The following ENOX1 variants were observed in gnomAD, a reference collection of about 807,000 sequenced individuals.
ENOX1 encodes the protein ecto-NOX disulfide-thiol exchanger 1.
A neutral mutation model predicts 82.5 loss-of-function variants in ENOX1; 42 were observed. That is an observed-to-expected ratio of 0.51 (90% CI 0.40 to 0.66). The LOEUF (loss-of-function observed/expected upper bound fraction) is 0.66, where lower values mean the gene tolerates loss of function less well. Ranked by LOEUF, ENOX1 falls within the 30% of genes least tolerant of loss-of-function variation. The pLI, the probability that ENOX1 is intolerant of heterozygous loss-of-function variation, is 0.00. For synonymous variants in ENOX1, 271 were observed against 282.2 expected (o/e 0.96, Z 0.40); for missense variants, 608 against 811.6 (o/e 0.75, Z 3.05).
intron 8 of ENOX1, among the ~76,000 whole-genome samples, chr13:43,353,481 C>A (rs1326178909): frequency 1.3e-5 from 2 of 152,180 alleles, no homozygotes; most frequent in Non-Finnish European, 2.9e-5. Context: ...TCCTTTCTGA[C>A]ACAGATTTCT....
intron 13 of ENOX1, among the ~76,000 whole-genome samples, chr13:43,267,589 G>A (rs965980567): frequency 6.6e-6 from 1 of 152,196 alleles, no homozygotes; most frequent in Non-Finnish European, 1.5e-5. Flanking sequence ...AACTGTTTAC[G>A]CATAGAGTTA....
At chr13:43,716,162 GCT>G (rs2088114326) in intron 1 of ENOX1, among the ~76,000 whole-genome samples, 1 of 152,152 alleles carries the variant, frequency 6.6e-6, no homozygotes, top group African/African-American at 2.4e-5. Context: ...CAGTTTTTCT[GCT>G]CTGTTTTTTC....
At chr13:43,725,048 G>A (rs1486694188) in intron 1 of ENOX1, among the ~76,000 whole-genome samples, 1 of 152,080 alleles carries the variant, frequency 6.6e-6, no homozygotes, top group Non-Finnish European at 1.5e-5. Context: ...ACAAAGCCAA[G>A]GTAAAGTTCT....
At chr13:43,649,641 G>C (rs2084061680) in intron 2 of ENOX1, among the ~76,000 whole-genome samples, 1 of 152,106 alleles carries the variant, frequency 6.6e-6, no homozygotes, top group Non-Finnish European at 1.5e-5. Flanking sequence ...CTATGACCTT[G>C]AAGAAGACAT....
chr13:43,541,173 G>GTTTTTTTTTTTTTTTTTTTTTTTTTTT (rs553504525), intron 2 of ENOX1, among the ~76,000 whole-genome samples: 9 of 64,582 alleles, frequency 1.4e-4, no homozygotes, highest in Non-Finnish European at 1.9e-4. Context: ...TCTTCCCTCT[G>GTTTTTTTTTTTTTTTTTTTTTTTTTTT]TTTTTTTTTT....
In ENOX1 at chr13:43,213,525, TTTTTTTCTTTTTCTTTTTC is replaced by T. The variant is rs2041286029; in HGVS notation, c.*446_*464del. On this transcript the variant is annotated 3_prime_UTR_variant, in exon 17 of 17. Transcript: ENST00000690772. Reference sequence around the variant, plus strand: ...TCACTGTAAAACTTTTTCTTTTTTCTTTTTTTCTTTTTCTTTTTCTTTTTTTTTTTTTTTTTTTTTTTAC... The same window carrying T: ...TCACTGTAAAACTTTTTCTTTTTTCTTTTTTTTTTTTTTTTTTTTTTTTAC... 7 of 119,456 alleles carry T rather than the reference TTTTTTTCTTTTTCTTTTTC, an allele frequency of 5.9e-5. No homozygotes were observed. Among genetic ancestry groups the T allele is most frequent in the African/African-American group, 2.0e-4 (7 of 35,700 alleles). The allele number at this position is 119,456 out of a possible 1,614,324, so 7.4% of individuals were successfully genotyped here.
At chr13:43,387,475 G>A (rs925969857) in intron 5 of ENOX1, among the ~76,000 whole-genome samples, 11 of 152,100 alleles carry the variant, frequency 7.2e-5, no homozygotes, top group Non-Finnish European at 1.5e-5. Flanking sequence ...GAGCCTGGTG[G>A]GTAAGGGGTA....
intron 16 of ENOX1, among the ~76,000 whole-genome samples, chr13:43,214,912 T>C (rs1390649766): frequency 6.6e-6 from 1 of 152,150 alleles, no homozygotes. Context: ...ATCCCCAAAA[T>C]TTGGGGTCTG....
chr13:43,283,557 C>T (rs1023128812), intron 12 of ENOX1, among the ~76,000 whole-genome samples: 1 of 151,994 alleles, frequency 6.6e-6, no homozygotes, highest in Non-Finnish European at 1.5e-5. Flanking sequence ...GGAATTATCC[C>T]ACCTCAGCTT....
chr13:43,413,261 G>A (rs954837447), intron 3 of ENOX1, among the ~76,000 whole-genome samples: 2 of 152,166 alleles, frequency 1.3e-5, no homozygotes, highest in Non-Finnish European at 1.5e-5. Context: ...CAAAGGCCTT[G>A]CTTCCTACTG....
chr13:43,547,891 C>G (rs999399162), intron 2 of ENOX1: 2 of 152,220 alleles, frequency 1.3e-5, no homozygotes, highest in Admixed American at 1.3e-4. Flanking sequence ...CCAGTGCAAT[C>G]AGGAAAGACA....
chr13:43,619,119 C>T (rs889506612), intron 2 of ENOX1, among the ~76,000 whole-genome samples: 4 of 151,656 alleles, frequency 2.6e-5, no homozygotes, highest in Admixed American at 2.6e-4. Context: ...ATTCTTTTAT[C>T]AGTTCTAGAA....
chr13:43,348,942 A>G (rs1344340985), intron 8 of ENOX1, among the ~76,000 whole-genome samples: 3 of 152,214 alleles, frequency 2.0e-5, no homozygotes, highest in Non-Finnish European at 4.4e-5. Context: ...TGAAGAAGTA[A>G]AAAGAAGCTT....
At chr13:43,753,796 AG>A in intron 1 of ENOX1, among the ~76,000 whole-genome samples, 1 of 152,344 alleles carries the variant, frequency 6.6e-6, no homozygotes, top group Non-Finnish European at 1.5e-5. Context: ...AATGTGAAAC[AG>A]TATAATCACT....
intron 2 of ENOX1, among the ~76,000 whole-genome samples, chr13:43,568,612 A>G (rs1191698813): frequency 6.6e-6 from 1 of 151,894 alleles, no homozygotes; most frequent in Non-Finnish European, 1.5e-5. Flanking sequence ...ATAACCCAAA[A>G]TGAGGCATCC....
intron 1 of ENOX1, among the ~76,000 whole-genome samples, chr13:43,668,882 A>G (rs987347805): frequency 6.6e-6 from 1 of 152,208 alleles, no homozygotes; most frequent in Non-Finnish European, 1.5e-5. Context: ...AGGTCACTAG[A>G]CCAGCAAGGA....
chr13:43,774,848 TTC>T (rs1247870029), intron 1 of ENOX1, among the ~76,000 whole-genome samples: 1 of 152,152 alleles, frequency 6.6e-6, no homozygotes, highest in African/African-American at 2.4e-5. Context: ...AATCTTTCTT[TTC>T]TTTTTTCTTT....
chr13:43,421,901 A>G (rs1407359652), intron 3 of ENOX1, among the ~76,000 whole-genome samples: 1 of 150,668 alleles, frequency 6.6e-6, no homozygotes, highest in Non-Finnish European at 1.5e-5. Flanking sequence ...TTTTACATGT[A>G]ATTTCAAATG....
chr13:43,616,174 C>CTATATATAGATATCTATATAGATAGA (rs1555341808), intron 2 of ENOX1, among the ~76,000 whole-genome samples: 1 of 9,280 alleles, frequency 1.1e-4, no homozygotes, highest in African/African-American at 2.3e-4. Flanking sequence ...ATCTATCTAT[C>CTATATATAGATATCTATATAGATAGA]TATCTATCTA....
Sources: gnomAD v4.1 joint callset for allele counts (sites outside exome capture counted in the v4.1 genomes callset) on GRCh38, gnomAD v4.1.1 for gene constraint, MANE v1.5 for transcripts, NCBI Gene and HGNC (gene_info 2026-07-23, HGNC 2026-07-21) for gene names.